RGS6: variants seen among roughly 807,000 people sequenced by gnomAD.
RGS6 encodes the protein regulator of G protein signaling 6, also known as regulator of G-protein signaling 6.
RGS6 carries 30 observed loss-of-function variants against 78.5 expected under a neutral mutation model. That is an observed-to-expected ratio of 0.38 (90% CI 0.29 to 0.52). The LOEUF is 0.52. RGS6 is among the 20% of genes least tolerant of loss of function. The probability of loss-of-function intolerance (pLI) is 0.85; values close to 1 mark genes in which losing one functional copy is unlikely to be tolerated. For missense variants in RGS6, 495 were observed against 609.7 expected, an observed-to-expected ratio of 0.81 and a Z score of 1.98; for synonymous variants, 206 against 206.0, an observed-to-expected ratio of 1.00 and a Z score of 0.00.
At chr14:72,187,138 C>T (rs2097258402) in intron 2 of RGS6, among the ~76,000 whole-genome samples, 1 of 152,200 alleles carries the variant, frequency 6.6e-6, no homozygotes, top group South Asian at 2.1e-4. Flanking sequence ...TCAAATATCC[C>T]TCTGATTCAA....
chr14:72,582,142 A>C, the RGS6 span, among the ~76,000 whole-genome samples: 3 of 152,198 alleles, frequency 2.0e-5, no homozygotes, highest in Non-Finnish European at 4.4e-5. Context: ...CCATTCATGA[A>C]GGATCTGCCC....
At chr14:72,127,475 G>A (rs1362770483) in intron 2 of RGS6, among the ~76,000 whole-genome samples, 2 of 152,036 alleles carry the variant, frequency 1.3e-5, no homozygotes, top group Non-Finnish European at 2.9e-5. Flanking sequence ...CTTAAGCTGG[G>A]TTTCATTACT....
chr14:72,237,802 T>G (rs1429690441), intron 2 of RGS6, among the ~76,000 whole-genome samples: 1 of 152,154 alleles, frequency 6.6e-6, no homozygotes, highest in Non-Finnish European at 1.5e-5. Context: ...AACCCCGTAC[T>G]GGTACTGGTC....
chr14:72,118,640 A>G (rs1410795277), intron 2 of RGS6, among the ~76,000 whole-genome samples: 1 of 152,238 alleles, frequency 6.6e-6, no homozygotes, highest in African/African-American at 2.4e-5. Flanking sequence ...ACAGGGTCAT[A>G]GCCCTGGACA....
chr14:72,189,421 A>C (rs416765), intron 2 of RGS6, among the ~76,000 whole-genome samples: 1 of 152,222 alleles, frequency 6.6e-6, no homozygotes, highest in South Asian at 2.1e-4. Flanking sequence ...AATTGTATAA[A>C]TGAATATATA....
intron 1 of RGS6, among the ~76,000 whole-genome samples, chr14:71,962,088 C>A (rs1272400911): frequency 1.3e-5 from 2 of 152,176 alleles, no homozygotes; most frequent in African/African-American, 4.8e-5. Context: ...TTTCTAGACA[C>A]AGGAAAGCTA....
chr14:72,539,315 T>C (rs939333175), intron 16 of RGS6, among the ~76,000 whole-genome samples: 1 of 152,168 alleles, frequency 6.6e-6, no homozygotes, highest in African/African-American at 2.4e-5. Context: ...GCAGGTGTTA[T>C]GTCACCTTTT....
intron 3 of RGS6, among the ~76,000 whole-genome samples, chr14:72,451,810 T>C (rs935436759): frequency 1.3e-5 from 2 of 152,100 alleles, no homozygotes; most frequent in Admixed American, 1.3e-4. Flanking sequence ...TGGAGTGTAG[T>C]GGCGCGATCT....
At position 72,409,498 on chromosome 14, in the gene RGS6, C is replaced by T. The variant is rs1326612664; in HGVS notation, c.185-45030C>T. Among the ~76,000 whole-genome samples the T allele has an allele frequency of 2.6e-5, 4 of 151,262 alleles. No homozygotes were observed. In the East Asian group the frequency reaches 7.7e-4, roughly 29 times the overall value. On this transcript the variant is annotated intron_variant, in intron 3 of 17. Transcript: ENST00000553525. ...GGAATGCTTCGGCTTAATGACCTCC[C>T]AATTAAAATTTTTTTAACATCACTT...
intron 13 of RGS6, among the ~76,000 whole-genome samples, chr14:72,503,871 G>A (rs2096762425): frequency 6.6e-6 from 1 of 152,166 alleles, no homozygotes; most frequent in Non-Finnish European, 1.5e-5. Flanking sequence ...TTCTCCTGGG[G>A]TCCCTATTGC....
intron 3 of RGS6, among the ~76,000 whole-genome samples, chr14:72,410,442 G>T (rs1293266278): frequency 6.6e-6 from 1 of 152,058 alleles, no homozygotes; most frequent in Non-Finnish European, 1.5e-5. Context: ...AAATTTGTTG[G>T]AGTTCATTGT....
chr14:72,525,652 GC>G (rs755844288), intron 15 of RGS6, among the ~76,000 whole-genome samples: 2 of 152,174 alleles, frequency 1.3e-5, no homozygotes, highest in Non-Finnish European at 2.9e-5. Context: ...TTTTAGGTTT[GC>G]CCAGATTATT....
intron 2 of RGS6, among the ~76,000 whole-genome samples, chr14:71,981,210 T>G (rs2094433904): frequency 1.3e-5 from 2 of 151,480 alleles, no homozygotes; most frequent in South Asian, 4.2e-4. Flanking sequence ...GGTTTGAATG[T>G]CCTCCCGTAG....
At chr14:72,288,573 G>C (rs1214820874) in intron 2 of RGS6, among the ~76,000 whole-genome samples, 2 of 152,182 alleles carry the variant, frequency 1.3e-5, no homozygotes, top group Non-Finnish European at 2.9e-5. Flanking sequence ...GCTGGAGGGA[G>C]GTCAAAGTCA....
At chr14:72,261,075 G>C (rs1439701118) in intron 2 of RGS6, among the ~76,000 whole-genome samples, 1 of 152,096 alleles carries the variant, frequency 6.6e-6, no homozygotes, top group Admixed American at 6.5e-5. Context: ...ACAAAAGGCT[G>C]GTCAAATGGT....
At chr14:72,319,519 T>A (rs2071300121) in intron 2 of RGS6, among the ~76,000 whole-genome samples, 2 of 151,860 alleles carry the variant, frequency 1.3e-5, no homozygotes, top group Admixed American at 6.5e-5. Flanking sequence ...GCCCGGCTAA[T>A]TTTTTTGTAT....
intron 2 of RGS6, among the ~76,000 whole-genome samples, chr14:71,997,720 T>C (rs1009320242): frequency 6.6e-6 from 1 of 152,098 alleles, no homozygotes; most frequent in Non-Finnish European, 1.5e-5. Flanking sequence ...GGGTCAGAGT[T>C]CTGGGAATGA....
At position 72,270,034 on chromosome 14, in the gene RGS6, C is replaced by T. The variant is rs117115490; in HGVS notation, c.85-82061C>T. 8.6e-3 allele frequency among the ~76,000 whole-genome samples: 1,313 copies of T among 152,314 alleles called. 9 individuals are homozygous for T. Among genetic ancestry groups the T allele is most frequent in the Non-Finnish European group, 0.014 (980 of 68,026 alleles). On this transcript the variant is annotated intron_variant, in intron 2 of 17. Transcript: ENST00000553525. ...AGCTAGAATTTGTAGCAGCGTACAA[C>T]ACATGCCAATAAAACTTGCAACTCA...
intron 17 of RGS6, chr14:72,547,191 C>A: frequency 6.5e-7 from 1 of 1,535,218 alleles, no homozygotes; most frequent in East Asian, 2.4e-5. Flanking sequence ...CGGGGAGCAG[C>A]AGCACCGCAG....
Sources: gnomAD v4.1 joint callset for allele counts (sites outside exome capture counted in the v4.1 genomes callset) on GRCh38, gnomAD v4.1.1 for gene constraint, MANE v1.5 for transcripts, NCBI Gene and HGNC (gene_info 2026-07-23, HGNC 2026-07-21) for gene names.